Variants in ANKRD12 observed in about 807,000 individuals in gnomAD.
ANKRD12 encodes the protein ankyrin repeat domain 12, also known as ankyrin repeat domain-containing protein 12.
In ANKRD12, 85 loss-of-function variants were observed where a neutral mutation model predicts 183.4. The observed-to-expected ratio is 0.46, with a 90% CI of 0.39 to 0.56. The LOEUF (loss-of-function observed/expected upper bound fraction) is 0.56. ANKRD12 is among the 20% of genes least tolerant of loss of function. The probability of loss-of-function intolerance (pLI) is 0.00; values close to 1 mark genes in which losing one functional copy is unlikely to be tolerated. For missense variants in ANKRD12, 2,405 were observed against 2,357.1 expected (o/e 1.02, Z -0.42); for synonymous variants, 914 against 800.2 (o/e 1.14, Z -2.40).
intron 1 of ANKRD12, among the ~76,000 whole-genome samples, chr18:9,147,845 A>C (rs1397045239): frequency 6.6e-6 from 1 of 152,078 alleles, no homozygotes; most frequent in African/African-American, 2.4e-5. Context: ...TGAATTGCCA[A>C]CTCATTTTGA....
chr18:9,217,041 C>T (rs2036147151), intron 7 of ANKRD12, 141 bp downstream of exon 7: 2 of 780,042 alleles, frequency 2.6e-6, no homozygotes, highest in South Asian at 2.0e-5. Context: ...TTTTGTTTTC[C>T]CTTTTTTCTA....
At chr18:9,195,801 T>C (rs1258910909) in intron 3 of ANKRD12, 103 bp downstream of exon 3, 1 of 1,050,406 alleles carries the variant, frequency 9.5e-7, no homozygotes, top group Non-Finnish European at 1.3e-6. Context: ...TATAGAGAAA[T>C]ATTTGTATTT....
intron 10 of ANKRD12, among the ~76,000 whole-genome samples, chr18:9,273,580 C>T (rs2039702421): frequency 1.3e-5 from 2 of 152,248 alleles, no homozygotes; most frequent in South Asian, 4.1e-4. Flanking sequence ...GGTGGTTCCT[C>T]AACAAGTTAA....
At position 9,254,238 on chromosome 18, in the gene ANKRD12, C is replaced by T. The variant is rs142598284; in HGVS notation, c.971C>T (p.Pro324Leu). 268 of 1,589,586 alleles carry T rather than the reference C, an allele frequency of 1.7e-4. No homozygotes were observed. The highest frequency in any genetic ancestry group is 2.0e-4 in the Non-Finnish European group (239 of 1,171,300). ...TDSEEAQSVN[P>L]SSVDENIDSE... is the part of the protein sequence containing the mutation. Reference sequence around the variant, plus strand: ...TCCGAAGAGGCTCAATCTGTAAATCCTTCTAGTGTTGATGAAAATATTGAC... The same window carrying T: ...TCCGAAGAGGCTCAATCTGTAAATCTTTCTAGTGTTGATGAAAATATTGAC... Residue 324 changes from proline to leucine, a missense_variant, in exon 9 of 13, where the codon CCT becomes CTT. Transcript: ENST00000262126.
chr18:9,252,390 G>T (rs1054213466), intron 8 of ANKRD12, among the ~76,000 whole-genome samples: 2 of 152,186 alleles, frequency 1.3e-5, no homozygotes, highest in Admixed American at 6.5e-5. Flanking sequence ...CGTGCAGAGA[G>T]ATGAGTCTGA....
Position 9,211,754 on chromosome 18 carries a change from G to A in ANKRD12, c.622G>A (p.Gly208Arg). The A allele has an allele frequency of 6.2e-7, 1 of 1,613,586 alleles. No homozygotes were observed. The change falls in exon 6 of 13, where the codon GGG (glycine) becomes AGG (arginine). Residue 208 changes from glycine (G) to arginine (R), a missense_variant. Around this residue, in one of 7 missense-constraint regions of ANKRD12, gnomAD observed 39 missense variants for 104.8 expected, o/e 0.37. Coordinates refer to ENST00000262126, the MANE Select transcript of ANKRD12 (RefSeq NM_015208.5). ...VKQVKELISLGANVNVKDFAG... is the reference protein window; with the variant it reads ...VKQVKELISLRANVNVKDFAG... ...ACAAGTTAAAGAATTAATAAGTTTA[G>A]GGGCAAATGTGAATGTGAAAGATTT...
At chr18:9,172,326 AT>A (rs1411094696) in intron 1 of ANKRD12, among the ~76,000 whole-genome samples, 1 of 151,970 alleles carries the variant, frequency 6.6e-6, no homozygotes, top group African/African-American at 2.4e-5. Context: ...TTCTAATTTG[AT>A]TCCATTCTTC....
chr18:9,198,990 C>T (rs992832196), intron 3 of ANKRD12, among the ~76,000 whole-genome samples: 3 of 152,018 alleles, frequency 2.0e-5, no homozygotes, highest in African/African-American at 4.8e-5. Flanking sequence ...AGATTTTTCA[C>T]CCTTAAAAAT....
Position 9,255,771 on chromosome 18 carries a change from A to T in ANKRD12, c.2504A>T (p.Lys835Met). 6.3e-7 allele frequency: 1 copy of T among 1,579,040 alleles called. No individual in the cohort carries two copies. The highest frequency in any genetic ancestry group is 8.5e-7 in the Non-Finnish European group (1 of 1,171,078). Residue 835 changes from lysine (K) to methionine (M), a missense_variant, in exon 9 of 13, where the codon AAG (lysine) becomes ATG (methionine). Physicochemically the swap from Lys to Met is moderately conservative, Grantham distance 95 (BLOSUM62 -1). This residue lies in a region of ANKRD12 where 1,983 missense variants were observed against 1,725.9 expected (regional missense o/e 1.15). Coordinates refer to ENST00000262126, the MANE Select transcript of ANKRD12 (RefSeq NM_015208.5). The part of the protein sequence containing the change: ...RSQIKEKDIE[K>M]MERKTFEKEK... The stretch of plus-strand genomic sequence containing the variant: ...CAAATTAAAGAAAAGGACATTGAGA[A>T]GATGGAAAGAAAAACCTTTGAAAAA...
At position 9,149,799 on chromosome 18, in the gene ANKRD12, T is replaced by TTTTTA. The variant is rs1467706028; in HGVS notation, c.-52+12838_-52+12839insATTTT. On this transcript the variant is annotated intron_variant, in intron 1 of 12. Coordinates refer to ENST00000262126, the MANE Select transcript of ANKRD12 (RefSeq NM_015208.5). The stretch of plus-strand genomic sequence containing the variant: ...TTATTTATTTATTTATTAAATTTTA[T>TTTTTA]TTTTTTTTTTTTTTGAGACGGAGTC... 1.7e-3 allele frequency among the ~76,000 whole-genome samples: 210 copies of TTTTTA among 125,920 alleles called. 10 individuals carry two copies. Among genetic ancestry groups the TTTTTA allele is most frequent in the Non-Finnish European group, 2.1e-3 (120 of 57,420 alleles). 82.6% of individuals were successfully genotyped at this position (125,920 alleles called of 152,430 possible). A position where few individuals can be genotyped will look rare whatever the true frequency, so the allele number is the denominator to read the frequency against.
Position 9,211,591 on chromosome 18 carries a change from A to C in ANKRD12, c.459A>C (p.Thr153=). 6.2e-7 allele frequency: 1 copy of C among 1,613,696 alleles called. No individual in the cohort carries two copies. The highest frequency in any genetic ancestry group is 8.5e-7 in the Non-Finnish European group (1 of 1,179,750). The change falls in exon 6 of 13, where the codon ACA becomes ACC. Residue 153 remains threonine, a synonymous_variant. Coordinates refer to ENST00000262126, the MANE Select transcript of ANKRD12 (RefSeq NM_015208.5). Reference sequence around the variant, plus strand: ...CTTTCTTCTTTCTTACAGATTCCACACCAAATCATCCATCACAAACAACGC... The same window carrying C: ...CTTTCTTCTTTCTTACAGATTCCACCCCAAATCATCCATCACAAACAACGC... The part of the protein sequence containing the change: ...MTARDNSPDS[T]PNHPSQTTPA...
Position 9,257,471 on chromosome 18 carries a change from C to G in ANKRD12, c.4204C>G (p.Pro1402Ala), listed in dbSNP as rs1313801955. ...TAPVNTVMDSPVHLEPSSQVG... is the reference protein window; with the variant it reads ...TAPVNTVMDSAVHLEPSSQVG... ...CCCAGTGAACACTGTAATGGACAGT[C>G]CAGTGCATTTAGAGCCATCTAGTCA... Residue 1402 changes from proline (P) to alanine (A), a missense_variant, in exon 9 of 13, where the codon CCA becomes GCA. Physicochemically the swap from Pro to Ala is conservative, Grantham distance 27. Transcript: ENST00000262126. 2 of 1,613,986 alleles carry G rather than the reference C, an allele frequency of 1.2e-6. No homozygotes were observed. Among genetic ancestry groups the G allele is most frequent in the Admixed American group, 3.3e-5 (2 of 59,988 alleles).
chr18:9,165,040 T>C (rs1236033728), intron 1 of ANKRD12, among the ~76,000 whole-genome samples: 1 of 152,184 alleles, frequency 6.6e-6, no homozygotes, highest in Non-Finnish European at 1.5e-5. Context: ...CTAAGTCTCT[T>C]TGTAGGTCTT....
rs374391770 is a variant in ANKRD12, at chr18:9,258,088, C to G, written c.4821C>G (p.Ser1607Arg). The stretch of plus-strand genomic sequence containing the variant: ...AGCTAAATACACATTATGCATTTAG[C>G]AAACTAACTTACAAGTCTTCCAGTG... ...STQLNTHYAFSKLTYKSSSGH... is the reference protein window; with the variant it reads ...STQLNTHYAFRKLTYKSSSGH... Residue 1607 changes from serine (S) to arginine (R), a missense_variant, in exon 9 of 13, where the codon AGC (serine) becomes AGG (arginine). Physicochemically the swap from Ser to Arg is moderately radical, Grantham distance 110. This residue lies in a region of ANKRD12 where 1,983 missense variants were observed against 1,725.9 expected (regional missense o/e 1.15). Coordinates refer to ENST00000262126, the MANE Select transcript of ANKRD12 (RefSeq NM_015208.5). 6.2e-7 allele frequency: 1 copy of G among 1,613,116 alleles called. No homozygotes were observed. The highest frequency in any genetic ancestry group is 1.3e-5 in the African/African-American group (1 of 74,894).
At chr18:9,160,942 T>C (rs77692718) in intron 1 of ANKRD12, among the ~76,000 whole-genome samples, 1,636 of 152,298 alleles carry the variant, frequency 0.011, 35 homozygotes, top group African/African-American at 0.038. Context: ...ATTTAATCTG[T>C]AGTCAGTATT....
At chr18:9,166,439 T>A (rs1480203185) in intron 1 of ANKRD12, among the ~76,000 whole-genome samples, 2 of 152,176 alleles carry the variant, frequency 1.3e-5, no homozygotes, top group Admixed American at 6.5e-5. Flanking sequence ...GGTATCTCAT[T>A]GTGGTTTTGA....
At chr18:9,223,114 TAATAAA>T (rs2036512675) in intron 8 of ANKRD12, among the ~76,000 whole-genome samples, 1 of 152,182 alleles carries the variant, frequency 6.6e-6, no homozygotes. Flanking sequence ...TGAGAGGTGA[TAATAAA>T]AGTATAGTAA....
intron 6 of ANKRD12, among the ~76,000 whole-genome samples, chr18:9,216,015 C>CTTT (rs36084675): frequency 2.8e-5 from 4 of 141,306 alleles, no homozygotes; most frequent in Non-Finnish European, 4.6e-5. Flanking sequence ...GCTGCTTTTA[C>CTTT]TTTTTTTTTT....
chr18:9,147,139 C>G (rs551298578), intron 1 of ANKRD12, among the ~76,000 whole-genome samples: 2 of 152,282 alleles, frequency 1.3e-5, no homozygotes, highest in South Asian at 4.1e-4. Context: ...GCTTATATTG[C>G]AGAAGCAGTG....
Sources: allele counts gnomAD v4.1 joint callset (sites outside exome capture counted in the v4.1 genomes callset), GRCh38; gene constraint gnomAD v4.1.1; regional missense constraint gnomAD v4.1.1; transcripts MANE v1.5; gene names NCBI Gene and HGNC (gene_info 2026-07-23, HGNC 2026-07-21).